The following KCNK10 variants were observed in gnomAD, a reference collection of about 807,000 sequenced individuals.
The protein encoded by KCNK10 is potassium channel subfamily K member 10.
A neutral mutation model predicts 47.7 loss-of-function variants in KCNK10; 25 were observed. That is an observed-to-expected ratio of 0.52 (90% CI 0.38 to 0.73). KCNK10 has a LOEUF of 0.73. Ranked by LOEUF, KCNK10 falls within the 30% of genes least tolerant of loss-of-function variation. KCNK10 has a pLI of 0.00. For synonymous variants in KCNK10, 303 were observed against 285.6 expected, an observed-to-expected ratio of 1.06 and a Z score of -0.61; for missense variants, 563 against 714.5, an observed-to-expected ratio of 0.79 and a Z score of 2.42.
chr14:88,186,277 G>C lies in KCNK10; in HGVS notation c.1012-122C>G. The C allele has an allele frequency of 8.4e-7, 1 of 1,190,338 alleles. No homozygotes were observed. Among genetic ancestry groups the C allele is most frequent in the Non-Finnish European group, 1.1e-6 (1 of 871,320 alleles). 73.7% of individuals were successfully genotyped at this position (1,190,338 alleles called of 1,614,324 possible). ...CAGGAGGTGACGGAGCACATGCCCA[G>C]GGGGAGGTGCAAATGCTACCTTCTG... On this transcript the variant is annotated intron_variant, in intron 6 of 6. Transcript: ENST00000319231. This position sits in a 1 kb window ranked among gnomAD's most constrained non-coding sequence, Gnocchi z 5.5.
rs113148635 is a variant in KCNK10 at position 88,238,482 on chromosome 14, G to A, written c.520+2221C>T. 5.3e-3 allele frequency among the ~76,000 whole-genome samples: 806 copies of A among 152,258 alleles called. 3 individuals carry two copies. The highest frequency in any genetic ancestry group is 9.3e-3 in the Non-Finnish European group (632 of 68,010). ...GCCCAGAAGTTCAAGACCAGCCTGGGTAACATAGTGAAACCCCATCTCTAG... is the reference window on the plus strand; with the variant it reads ...GCCCAGAAGTTCAAGACCAGCCTGGATAACATAGTGAAACCCCATCTCTAG... On this transcript the variant is annotated intron_variant, in intron 3 of 6. Coordinates refer to ENST00000319231, the MANE Select transcript of KCNK10 (RefSeq NM_138317.3).
At chr14:88,198,916 T>TTTTA (rs1319278127) in intron 4 of KCNK10, among the ~76,000 whole-genome samples, 1 of 149,422 alleles carries the variant, frequency 6.7e-6, no homozygotes, top group Non-Finnish European at 1.5e-5. Flanking sequence ...TTTTATTTTA[T>TTTTA]TTTATTTTAT....
At chr14:88,242,299 T>C (rs1390246004) in intron 2 of KCNK10, among the ~76,000 whole-genome samples, 1 of 152,228 alleles carries the variant, frequency 6.6e-6, no homozygotes, top group African/African-American at 2.4e-5. Flanking sequence ...AACAACTTTT[T>C]CCATAAAGGG....
chr14:88,226,587 T>C (rs1423726764), intron 4 of KCNK10, among the ~76,000 whole-genome samples: 1 of 152,210 alleles, frequency 6.6e-6, no homozygotes, highest in African/African-American at 2.4e-5. Flanking sequence ...ACCTTACATC[T>C]GAGCAAAACA....
chr14:88,241,957 G>A (rs189273566), intron 2 of KCNK10, among the ~76,000 whole-genome samples: 1 of 152,308 alleles, frequency 6.6e-6, no homozygotes, highest in East Asian at 1.9e-4. Context: ...GTGCTGTCAT[G>A]GCAGCCGAAA....
At chr14:88,249,731 A>C (rs529271225) in intron 2 of KCNK10, among the ~76,000 whole-genome samples, 7 of 152,262 alleles carry the variant, frequency 4.6e-5, no homozygotes, top group African/African-American at 1.7e-4. Flanking sequence ...GTAAAATTTA[A>C]ATGAGTTACT....
chr14:88,287,677 GTGT>G (rs1566715202), intron 1 of KCNK10, among the ~76,000 whole-genome samples: 3,799 of 36,852 alleles, frequency 0.1, 69 homozygotes, highest in Middle Eastern at 0.2. Flanking sequence ...ATTCCATGGT[GTGT>G]GTGTGTGTGT....
chr14:88,296,563 C>G (rs1887988064), intron 1 of KCNK10, among the ~76,000 whole-genome samples: 2 of 152,190 alleles, frequency 1.3e-5, no homozygotes, highest in African/African-American at 4.8e-5. Flanking sequence ...TCCTCCTGCT[C>G]TATTCTGATA....
chr14:88,326,372 C>A, upstream of KCNK10: 1 of 1,556,710 alleles, frequency 6.4e-7, no homozygotes, highest in South Asian at 1.1e-5. Flanking sequence ...CCCCTCCATC[C>A]CCTTCGGTTC....
chr14:88,294,884 T>C (rs1463168682), intron 1 of KCNK10, among the ~76,000 whole-genome samples: 1 of 152,202 alleles, frequency 6.6e-6, no homozygotes, highest in East Asian at 1.9e-4. Context: ...TTAAATGAAG[T>C]CAACTATGAC....
At chr14:88,198,066 C>T (rs1884980986) in intron 4 of KCNK10, among the ~76,000 whole-genome samples, 1 of 152,096 alleles carries the variant, frequency 6.6e-6, no homozygotes, top group South Asian at 2.1e-4. Flanking sequence ...AAATATATCA[C>T]CTGGGAGAGA....
chr14:88,287,507 G>A (rs1364190930), intron 1 of KCNK10, among the ~76,000 whole-genome samples: 1 of 152,102 alleles, frequency 6.6e-6, no homozygotes, highest in Non-Finnish European at 1.5e-5. Flanking sequence ...GTCCAATGAG[G>A]ATGCCTTTGC....
At chr14:88,244,633 A>C (rs1886577041) in intron 2 of KCNK10, among the ~76,000 whole-genome samples, 1 of 151,966 alleles carries the variant, frequency 6.6e-6, no homozygotes. Context: ...GCGCTACTGC[A>C]CTCCAGCCTG....
chr14:88,241,836 A>C (rs1303104252), intron 2 of KCNK10, among the ~76,000 whole-genome samples: 1 of 152,216 alleles, frequency 6.6e-6, no homozygotes, highest in Non-Finnish European at 1.5e-5. Context: ...AGATACGCTA[A>C]AAATCCCTCC....
intron 3 of KCNK10, among the ~76,000 whole-genome samples, chr14:88,231,090 T>C (rs1231172921): frequency 6.6e-6 from 1 of 151,906 alleles, no homozygotes; most frequent in Non-Finnish European, 1.5e-5. Flanking sequence ...GCCTGAACAA[T>C]ATTGTGAGCC....
intron 2 of KCNK10, among the ~76,000 whole-genome samples, chr14:88,247,994 G>A (rs1170185368): frequency 6.6e-6 from 1 of 152,182 alleles, no homozygotes; most frequent in Non-Finnish European, 1.5e-5. Flanking sequence ...TGTATACTTT[G>A]ATATGATCAA....
chr14:88,242,484 G>A (rs1886507731), intron 2 of KCNK10, among the ~76,000 whole-genome samples: 1 of 152,086 alleles, frequency 6.6e-6, no homozygotes, highest in South Asian at 2.1e-4. Flanking sequence ...GATGATACAG[G>A]GGAAAAAAGC....
chr14:88,259,630 T>G (rs1175652245), intron 2 of KCNK10, among the ~76,000 whole-genome samples: 2 of 152,170 alleles, frequency 1.3e-5, no homozygotes, highest in Non-Finnish European at 2.9e-5. Flanking sequence ...CTAATTTTTG[T>G]AACTTTTTGT....
intron 2 of KCNK10, among the ~76,000 whole-genome samples, chr14:88,244,561 G>C (rs966923263): frequency 2.0e-5 from 3 of 151,978 alleles, no homozygotes; most frequent in South Asian, 4.2e-4. Flanking sequence ...CCAGCTACTC[G>C]GGAGGCTGAG....
Sources: gnomAD v4.1 joint callset for allele counts (sites outside exome capture counted in the v4.1 genomes callset) on GRCh38, gnomAD v4.1.1 for gene constraint, Gnocchi (gnomAD v3.1) non-coding constraint, MANE v1.5 for transcripts, NCBI Gene and HGNC (gene_info 2026-07-23, HGNC 2026-07-21) for gene names.